Variants in SHISA9 observed in about 807,000 individuals in gnomAD.
The protein encoded by SHISA9 is protein shisa-9.
In SHISA9, 13 loss-of-function variants were observed where a neutral mutation model predicts 38.0. The observed-to-expected ratio is 0.34, with a 90% CI of 0.22 to 0.54. The LOEUF is 0.54. Among genes scored for constraint, SHISA9 ranks in the 20% least tolerant of loss-of-function variants. The pLI, the probability that SHISA9 is intolerant of heterozygous loss-of-function variation, is 0.91. For synonymous variants in SHISA9, 275 were observed against 242.0 expected (o/e 1.14, Z -1.27); for missense variants, 538 against 575.8 (o/e 0.93, Z 0.67).
intron 2 of SHISA9, among the ~76,000 whole-genome samples, chr16:12,970,655 C>T (rs1218308612): frequency 1.3e-5 from 2 of 149,324 alleles, no homozygotes; most frequent in Admixed American, 6.8e-5. Flanking sequence ...GAACTATAGG[C>T]ACACACCACC....
chr16:13,291,254 C>A, the SHISA9 span, among the ~76,000 whole-genome samples: 1 of 152,196 alleles, frequency 6.6e-6, no homozygotes, highest in Non-Finnish European at 1.5e-5. Flanking sequence ...AATATCACTT[C>A]CACCATTTTT....
At chr16:13,122,608 C>G (rs552819539) in intron 2 of SHISA9, among the ~76,000 whole-genome samples, 6 of 152,288 alleles carry the variant, frequency 3.9e-5, no homozygotes, top group African/African-American at 1.4e-4. Flanking sequence ...AACAGGCAAG[C>G]ATAATTATTG....
chr16:13,433,836 G>C, the SHISA9 span, among the ~76,000 whole-genome samples: 3 of 152,138 alleles, frequency 2.0e-5, no homozygotes, highest in Non-Finnish European at 4.4e-5. Flanking sequence ...CTTTGGCTTT[G>C]ACCATCTATT....
At chr16:13,513,425 C>T in the SHISA9 span, among the ~76,000 whole-genome samples, 100 of 152,236 alleles carry the variant, frequency 6.6e-4, no homozygotes, top group African/African-American at 2.2e-3. Context: ...TCAAAGACAG[C>T]GCAGCAATTC....
chr16:13,441,339 T>G, the SHISA9 span, among the ~76,000 whole-genome samples: 4 of 152,174 alleles, frequency 2.6e-5, no homozygotes, highest in Admixed American at 2.6e-4. Flanking sequence ...TGGAAATTTG[T>G]GCACCTACTT....
At chr16:13,230,652 C>G (rs945692445) in intron 4 of SHISA9, among the ~76,000 whole-genome samples, 2 of 151,994 alleles carry the variant, frequency 1.3e-5, no homozygotes, top group African/African-American at 4.8e-5. Flanking sequence ...TTTCTTGGAT[C>G]TCATGCAAGA....
chr16:12,907,239 T>C (rs2071113355), intron 1 of SHISA9, among the ~76,000 whole-genome samples: 1 of 127,844 alleles, frequency 7.8e-6, no homozygotes, highest in Admixed American at 8.3e-5. Flanking sequence ...CTTTCTTTCC[T>C]CTCTTCCCTT....
chr16:13,267,754 C>T, the SHISA9 span, among the ~76,000 whole-genome samples: 1 of 152,070 alleles, frequency 6.6e-6, no homozygotes, highest in East Asian at 1.9e-4. Context: ...TTCTCTGTGT[C>T]CCAGGGAATA....
rs533216412 is a variant in SHISA9 at position 13,073,534 on chromosome 16, G to T, written c.692-129860G>T. Among the ~76,000 whole-genome samples, 14 of 152,246 alleles carry T rather than the reference G, an allele frequency of 9.2e-5. No individual in the cohort carries two copies. In the South Asian group the frequency reaches 1.0e-3, roughly 11 times the overall value. ...ATGCAAATTCTCAGACCCCAGCTCAGACCTAGTGAGTCAGAAATGCTGGAT... is the reference window on the plus strand; with the variant it reads ...ATGCAAATTCTCAGACCCCAGCTCATACCTAGTGAGTCAGAAATGCTGGAT... On this transcript the variant is annotated intron_variant, in intron 2 of 4. Transcript: ENST00000558583.
chr16:13,113,316 G>A (rs1032489100), intron 2 of SHISA9, among the ~76,000 whole-genome samples: 5 of 151,984 alleles, frequency 3.3e-5, no homozygotes, highest in East Asian at 1.9e-4. Flanking sequence ...TGGTGGTAAT[G>A]GCTCCCTCAA....
At chr16:12,938,585 C>T in intron 2 of SHISA9, among the ~76,000 whole-genome samples, 1 of 152,030 alleles carries the variant, frequency 6.6e-6, no homozygotes. Context: ...GCAACCTTTG[C>T]CTCCCAGGTT....
At chr16:13,241,562 T>C (rs2051435696), downstream of SHISA9, among the ~76,000 whole-genome samples, 1 of 152,156 alleles carries the variant, frequency 6.6e-6, no homozygotes, top group Non-Finnish European at 1.5e-5. Flanking sequence ...CTGGTGATTA[T>C]AAGCCAGTCA....
chr16:13,328,844 G>A, the SHISA9 span, among the ~76,000 whole-genome samples: 3 of 152,304 alleles, frequency 2.0e-5, no homozygotes, highest in Admixed American at 2.0e-4. Flanking sequence ...TATTTAGGCA[G>A]ATAGTGAGAA....
intron 2 of SHISA9, among the ~76,000 whole-genome samples, chr16:13,130,468 A>G (rs993984141): frequency 5.3e-5 from 8 of 152,168 alleles, no homozygotes; most frequent in African/African-American, 1.9e-4. Flanking sequence ...TACCATCCCT[A>G]TCATTTAATA....
rs182869101 is a variant in SHISA9, at chr16:13,147,807, A to G, written c.692-55587A>G. On this transcript the variant is annotated intron_variant, in intron 2 of 4. Coordinates refer to ENST00000558583, the MANE Select transcript of SHISA9 (RefSeq NM_001145204.3). ...GCTGTTTCTGCTCATGATAGGCTTTATGGTTTTTCTTTTTGTTTTGTTTCA... is the reference window on the plus strand; with the variant it reads ...GCTGTTTCTGCTCATGATAGGCTTTGTGGTTTTTCTTTTTGTTTTGTTTCA... Among the ~76,000 whole-genome samples, 224 of 152,130 alleles carry G rather than the reference A, an allele frequency of 1.5e-3. 2 individuals carry two copies. Among genetic ancestry groups the G allele is most frequent in the African/African-American group, 5.2e-3 (215 of 41,540 alleles).
chr16:13,330,806 G>T, the SHISA9 span, among the ~76,000 whole-genome samples: 1 of 152,196 alleles, frequency 6.6e-6, no homozygotes, highest in Admixed American at 6.5e-5. Flanking sequence ...TTGGGAGCCA[G>T]CAGGGATGGG....
the SHISA9 span, among the ~76,000 whole-genome samples, chr16:13,379,399 C>T: frequency 3.9e-5 from 6 of 152,136 alleles, no homozygotes; most frequent in Non-Finnish European, 8.8e-5. Flanking sequence ...GTACAGCTGA[C>T]AATTTTCCCA....
At chr16:12,962,354 C>T (rs1037955545) in intron 2 of SHISA9, among the ~76,000 whole-genome samples, 1 of 152,212 alleles carries the variant, frequency 6.6e-6, no homozygotes, top group African/African-American at 2.4e-5. Flanking sequence ...CATTATTTCC[C>T]AGTTCCCCAG....
At chr16:13,452,939 C>T in the SHISA9 span, among the ~76,000 whole-genome samples, 1 of 151,896 alleles carries the variant, frequency 6.6e-6, no homozygotes, top group Admixed American at 6.6e-5. Flanking sequence ...GACAGAGTCT[C>T]ACTCTGTCAC....
Sources: gnomAD v4.1 joint callset for allele counts (sites outside exome capture counted in the v4.1 genomes callset) on GRCh38, gnomAD v4.1.1 for gene constraint, MANE v1.5 for transcripts, NCBI Gene and HGNC (gene_info 2026-07-23, HGNC 2026-07-21) for gene names.